EYS: variants seen among roughly 807,000 people sequenced by gnomAD.
The protein encoded by EYS is protein eyes shut homolog.
A neutral mutation model predicts 282.1 loss-of-function variants in EYS; 250 were observed. The ratio of observed to expected loss-of-function variants is 0.89; its 90% CI spans 0.80 to 0.98. EYS has a LOEUF of 0.98. EYS is among the 50% of genes least tolerant of loss of function. The pLI is 0.00. For synonymous variants in EYS, 1,355 were observed against 1,282.9 expected (o/e 1.06, Z -1.20); for missense variants, 4,016 against 3,709.0 (o/e 1.08, Z -2.15).
chr6:65,602,552 C>T (rs537762098), intron 2 of EYS, among the ~76,000 whole-genome samples: 22 of 151,922 alleles, frequency 1.4e-4, no homozygotes, highest in Non-Finnish European at 3.2e-4. Flanking sequence ...ATATGCCAGA[C>T]ACTGTTCTTG....
intron 26 of EYS, among the ~76,000 whole-genome samples, chr6:64,470,003 G>GCC: frequency 6.6e-6 from 1 of 152,290 alleles, no homozygotes; most frequent in Non-Finnish European, 1.5e-5. Context: ...GCCAGGCAGG[G>GCC]AAGGGCCCCC....
chr6:64,087,859 T>A (rs1309108979), intron 31 of EYS, among the ~76,000 whole-genome samples: 1 of 152,052 alleles, frequency 6.6e-6, no homozygotes, highest in Non-Finnish European at 1.5e-5. Context: ...ATAATTAGGT[T>A]TTACTTATTC....
intron 29 of EYS, among the ~76,000 whole-genome samples, chr6:64,371,843 C>T (rs544285185): frequency 1.7e-4 from 26 of 151,982 alleles, no homozygotes; most frequent in Non-Finnish European, 3.4e-4. Flanking sequence ...CACCCCTTGC[C>T]TTTTTGTTTT....
intron 35 of EYS, among the ~76,000 whole-genome samples, chr6:63,949,276 C>T (rs1042104890): frequency 6.6e-6 from 1 of 152,176 alleles, no homozygotes; most frequent in Non-Finnish European, 1.5e-5. Context: ...GCCCCAGATG[C>T]CTTGCCCATC....
At chr6:63,830,959 C>T (rs1467057869) in intron 36 of EYS, among the ~76,000 whole-genome samples, 2 of 152,132 alleles carry the variant, frequency 1.3e-5, no homozygotes, top group Non-Finnish European at 2.9e-5. Context: ...TCATATCCAG[C>T]CAAACTAAGC....
chr6:64,046,713 C>T (rs1303494292), intron 33 of EYS, among the ~76,000 whole-genome samples: 2 of 152,180 alleles, frequency 1.3e-5, no homozygotes, highest in Admixed American at 6.5e-5. Flanking sequence ...AAATAAACTT[C>T]ATCCAGTCAG....
chr6:64,304,077 T>C (rs973032821), intron 30 of EYS, among the ~76,000 whole-genome samples: 1 of 152,160 alleles, frequency 6.6e-6, no homozygotes, highest in Non-Finnish European at 1.5e-5. Context: ...TGGTGTTTAC[T>C]GGAGACTTTT....
At chr6:65,270,280 C>T (rs781587154) in intron 12 of EYS, among the ~76,000 whole-genome samples, 1 of 152,282 alleles carries the variant, frequency 6.6e-6, no homozygotes, top group African/African-American at 2.4e-5. Flanking sequence ...GATCTTAAGG[C>T]TCAAGGATAA....
rs1032591002 is a variant in EYS at position 63,843,528 on chromosome 6, A to G, written c.7228+20658T>C. Among the ~76,000 whole-genome samples the G allele has an allele frequency of 3.3e-5, 5 of 152,118 alleles. No individual in the cohort carries two copies. In the East Asian group the frequency reaches 9.6e-4, roughly 29 times the overall value. Reference sequence around the variant, plus strand: ...CTTATTATCTCAATAGACGCAGAAAAGATCTTCAATAAAATTCCAACACTC... The same window carrying G: ...CTTATTATCTCAATAGACGCAGAAAGGATCTTCAATAAAATTCCAACACTC... On this transcript the variant is annotated intron_variant, in intron 36 of 42. Transcript: ENST00000503581.
chr6:64,716,849 G>A (rs1397343818), intron 22 of EYS, among the ~76,000 whole-genome samples: 1 of 152,134 alleles, frequency 6.6e-6, no homozygotes, highest in Non-Finnish European at 1.5e-5. Flanking sequence ...AGTTTTGAAG[G>A]TTTCATGCCT....
chr6:64,529,384 C>T (rs747834548), intron 26 of EYS, among the ~76,000 whole-genome samples: 10 of 152,050 alleles, frequency 6.6e-5, no homozygotes, highest in Non-Finnish European at 1.2e-4. Flanking sequence ...ATATATTCCT[C>T]CCTCTAGTGA....
At chr6:65,397,869 A>G (rs1035925214) in intron 7 of EYS, among the ~76,000 whole-genome samples, 7 of 151,982 alleles carry the variant, frequency 4.6e-5, no homozygotes, top group Non-Finnish European at 1.0e-4. Context: ...TTATTTTTCT[A>G]TCAACAGTGT....
At chr6:64,833,791 A>C (rs974013138) in intron 19 of EYS, among the ~76,000 whole-genome samples, 1 of 151,940 alleles carries the variant, frequency 6.6e-6, no homozygotes, top group Non-Finnish European at 1.5e-5. Context: ...TATAATTAAA[A>C]AAATGTAAGA....
chr6:64,232,379 TTC>T (rs1340964880), intron 30 of EYS, among the ~76,000 whole-genome samples: 3 of 151,982 alleles, frequency 2.0e-5, no homozygotes, highest in Non-Finnish European at 4.4e-5. Flanking sequence ...TCACACTACT[TTC>T]TGTTATTGTT....
rs1335320588 is a variant in EYS at position 63,721,201 on chromosome 6, C to T, written c.8830G>A (p.Val2944Met). 3.2e-6 allele frequency: 5 copies of T among 1,551,618 alleles called. No individual in the cohort carries two copies. Among genetic ancestry groups the T allele is most frequent in the Non-Finnish European group, 4.4e-6 (5 of 1,146,924 alleles). Residue 2944 changes from valine to methionine, a missense_variant, in exon 43 of 43, where the codon GTG becomes ATG. Coordinates refer to ENST00000503581, the MANE Select transcript of EYS (RefSeq NM_001142800.2). ...GTTTTGTTTTCACAATACCTTCCCA[C>T]CCAACCCAAAGTACACAGGCAACTG... is the stretch of plus-strand genomic sequence containing the variant. Reference protein sequence around the residue: ...SYSCLCTLGWVGRYCENKTSF... With the variant: ...SYSCLCTLGWMGRYCENKTSF...
At chr6:65,604,141 T>C (rs1765702826) in intron 2 of EYS, among the ~76,000 whole-genome samples, 1 of 151,944 alleles carries the variant, frequency 6.6e-6, no homozygotes, top group African/African-American at 2.4e-5. Flanking sequence ...TTACATAGTT[T>C]GGTTGGAATT....
chr6:64,065,870 C>T (rs556637269), intron 33 of EYS, among the ~76,000 whole-genome samples: 5 of 152,170 alleles, frequency 3.3e-5, no homozygotes, highest in African/African-American at 1.2e-4. Flanking sequence ...ATAAGTAAAA[C>T]AAAAGCAAAA....
chr6:64,679,324 T>C (rs1769817421), intron 22 of EYS, among the ~76,000 whole-genome samples: 2 of 152,336 alleles, frequency 1.3e-5, no homozygotes, highest in East Asian at 1.9e-4. Flanking sequence ...TTTATCTTTT[T>C]GGATATATAT....
In EYS at chr6:65,032,609, C is replaced by G. The variant is rs1012676941; in HGVS notation, c.2137+25005G>C. Among the ~76,000 whole-genome samples the G allele has an allele frequency of 3.7e-4, 56 of 152,076 alleles. 1 individual carries two copies. Among genetic ancestry groups the G allele is most frequent in the Non-Finnish European group, 1.9e-4 (13 of 68,022 alleles). On this transcript the variant is annotated intron_variant, in intron 13 of 42. Transcript: ENST00000503581. ...TAGCTTCTTGAGGCCTCCCAAGAATCTGGGCAGATGCCAGCACCATACTTC... is the reference window on the plus strand; with the variant it reads ...TAGCTTCTTGAGGCCTCCCAAGAATGTGGGCAGATGCCAGCACCATACTTC...
Sources: allele counts gnomAD v4.1 joint callset (sites outside exome capture counted in the v4.1 genomes callset), GRCh38; gene constraint gnomAD v4.1.1; transcripts MANE v1.5; gene names NCBI Gene and HGNC (gene_info 2026-07-23, HGNC 2026-07-21).